MYT1: variants seen among roughly 807,000 people sequenced by gnomAD.
MYT1 encodes myelin transcription factor 1, also known as myelin transcription factor I.
Under a neutral mutation model 123.0 loss-of-function variants are expected in MYT1, and 23 were observed. That is an observed-to-expected ratio of 0.19 (90% confidence interval 0.13 to 0.26). The LOEUF (loss-of-function observed/expected upper bound fraction) is 0.26. MYT1 is among the 10% of genes least tolerant of loss of function. The pLI is 1.00. For missense variants in MYT1, 1,125 were observed against 1,472.5 expected (o/e 0.76, Z 3.86); for synonymous variants, 518 against 575.3 (o/e 0.90, Z 1.43).
intron 18 of MYT1, among the ~76,000 whole-genome samples, chr20:64,230,781 C>T (rs1462937930): frequency 1.3e-5 from 2 of 152,170 alleles, no homozygotes; most frequent in Non-Finnish European, 2.9e-5. Context: ...CAGGGAATGT[C>T]CTAAAAGTTT....
intron 16 of MYT1, among the ~76,000 whole-genome samples, chr20:64,224,857 A>G (rs964769757): frequency 6.6e-6 from 1 of 152,144 alleles, no homozygotes; most frequent in Non-Finnish European, 1.5e-5. Context: ...CCCAAATGTC[A>G]CCATGTCCTT....
rs1208573706 is a variant in MYT1, at chr20:64,231,127, G to GC, written c.2676-1035dup. 2.6e-5 allele frequency among the ~76,000 whole-genome samples: 4 copies of GC among 152,012 alleles called. No homozygotes were observed. The highest frequency in any genetic ancestry group is 5.9e-5 in the Non-Finnish European group (4 of 68,000). ...GCCCATGAATCTCCTCGTAAATGGA[G>GC]CCATGGTGACCTCTCGGGGTCTTGT... On this transcript the variant is annotated intron_variant, in intron 18 of 22. Transcript: ENST00000328439. The surrounding 1 kb of genome is among the most constrained non-coding windows in gnomAD (Gnocchi z 6.4).
intron 1 of MYT1, among the ~76,000 whole-genome samples, chr20:64,173,361 G>C (rs1284065148): frequency 6.6e-6 from 1 of 152,140 alleles, no homozygotes; most frequent in Non-Finnish European, 1.5e-5. Context: ...TCTTTTGTGG[G>C]CTTCTCCCCA....
At chr20:64,225,138 C>T (rs1984130824) in intron 16 of MYT1, among the ~76,000 whole-genome samples, 1 of 152,208 alleles carries the variant, frequency 6.6e-6, no homozygotes, top group Non-Finnish European at 1.5e-5. Context: ...CCATGGGAGG[C>T]CACTTCCTTT....
At position 64,202,332 on chromosome 20, in the gene MYT1, G is replaced by A. The variant is rs1338861763; in HGVS notation, c.86+2410G>A. Among the ~76,000 whole-genome samples, 3 of 152,162 alleles carry A rather than the reference G, an allele frequency of 2.0e-5. No homozygotes were observed. Among genetic ancestry groups the A allele is most frequent in the Admixed American group, 6.5e-5 (1 of 15,288 alleles). On this transcript the variant is annotated intron_variant, in intron 4 of 22. Coordinates refer to ENST00000328439, the MANE Select transcript of MYT1 (RefSeq NM_004535.3). This position sits in a 1 kb window ranked among gnomAD's most constrained non-coding sequence, Gnocchi z 5.0. Reference sequence around the variant, plus strand: ...TGATGGTTTTTCCTTTCACCCCATCGGGAGAACTGATGACGTTTCAGCTTG... The same window carrying A: ...TGATGGTTTTTCCTTTCACCCCATCAGGAGAACTGATGACGTTTCAGCTTG...
At position 64,232,063 on chromosome 20, in the gene MYT1, G is replaced by A. The variant is rs764564969; in HGVS notation, c.2676-101G>A. On this transcript the variant is annotated intron_variant, in intron 18 of 22. Transcript: ENST00000328439. This position sits in a 1 kb window ranked among gnomAD's most constrained non-coding sequence, Gnocchi z 6.9. ...CTGCCTCACTCAGAAGCCCTTTAAC[G>A]GCTCTGAGTTGGGCTCCCCTTGTGT... 62 of 1,214,826 alleles carry A rather than the reference G, an allele frequency of 5.1e-5. No individual in the cohort carries two copies. The highest frequency in any genetic ancestry group is 7.2e-5 in the Non-Finnish European group (61 of 851,180). The allele number at this position is 1,214,826 out of a possible 1,614,324, so 75.3% of individuals were successfully genotyped here. A position where few individuals can be genotyped will look rare whatever the true frequency, so the allele number is the denominator to read the frequency against.
At chr20:64,188,272 G>A (rs866673665) in intron 1 of MYT1, among the ~76,000 whole-genome samples, 40 of 152,170 alleles carry the variant, frequency 2.6e-4, no homozygotes, top group African/African-American at 7.2e-4. Flanking sequence ...CAGGGGAGTC[G>A]CACTCGGGAG....
intron 20 of MYT1, 117 bp from the exon 21 acceptor site, chr20:64,237,169 GA>G: frequency 1.4e-6 from 1 of 701,760 alleles, no homozygotes; most frequent in Non-Finnish European, 2.4e-6. Flanking sequence ...GGAAAACCAG[GA>G]GGGGAGACCT....
rs1043869339 is a variant in MYT1, at chr20:64,205,704, G to C, written c.301G>C (p.Asp101His). The change falls in exon 6 of 23, where the codon GAC (aspartate) becomes CAC (histidine). Residue 101 changes from aspartate to histidine, a missense_variant. This residue lies in a region of MYT1 where 406 missense variants were observed against 432.2 expected (regional missense o/e 0.94). Coordinates refer to ENST00000328439, the MANE Select transcript of MYT1 (RefSeq NM_004535.3). ...CGGCAGTGAGGACACTGAGGTGAAG[G>C]ACGCCTCTGTTTCGGATGAATCGGA... is the stretch of plus-strand genomic sequence containing the variant. ...SDGSEDTEVK[D>H]ASVSDESEGT... The C allele has an allele frequency of 2.5e-6, 4 of 1,614,100 alleles. No individual in the cohort carries two copies. Among genetic ancestry groups the C allele is most frequent in the Non-Finnish European group, 2.5e-6 (3 of 1,180,034 alleles).
intron 21 of MYT1, among the ~76,000 whole-genome samples, chr20:64,239,415 C>G (rs928224472): frequency 2.0e-5 from 3 of 152,116 alleles, no homozygotes; most frequent in African/African-American, 7.2e-5. Context: ...TGCTCCCACC[C>G]CATCCCCTCA....
Position 64,213,516 on chromosome 20 carries a change from T to A in MYT1, c.1518-18T>A. ...ATGGAGGGGAAGGCTCAGAAACCCCTCCTCTTCCTTCCTCTAGTTTGTCTG... is the reference window on the plus strand; with the variant it reads ...ATGGAGGGGAAGGCTCAGAAACCCCACCTCTTCCTTCCTCTAGTTTGTCTG... On this transcript the variant is annotated intron_variant, in intron 9 of 22. Transcript: ENST00000328439. The surrounding 1 kb of genome is among the most constrained non-coding windows in gnomAD (Gnocchi z 5.6). 1 of 1,607,588 alleles carries A rather than the reference T, an allele frequency of 6.2e-7. No individual in the cohort carries two copies. Among genetic ancestry groups the A allele is most frequent in the Non-Finnish European group, 8.5e-7 (1 of 1,174,506 alleles).
At position 64,186,880 on chromosome 20, in the gene MYT1, T is replaced by A. The variant is rs978313583; in HGVS notation, c.-98-3183T>A. 6.9e-6 allele frequency among the ~76,000 whole-genome samples: 1 copy of A among 144,408 alleles called. No homozygotes were observed. 94.7% of individuals were successfully genotyped at this position (144,408 alleles called of 152,430 possible). On this transcript the variant is annotated intron_variant, in intron 1 of 22. Transcript: ENST00000328439. This position sits in a 1 kb window ranked among gnomAD's most constrained non-coding sequence, Gnocchi z 4.3. The stretch of plus-strand genomic sequence containing the variant: ...CGTGGCTCCGGCATCCACGTTTCCG[T>A]GGAGACTTTTCCTGTAGCCCGTGGC...
rs568201515 is a variant in MYT1, at chr20:64,212,160, G to A, written c.1517+22G>A. ...GAAGGTACTTGGACTGAGCTGGGCC[G>A]TAGTGGGGGCCAGGGTGGGGGCCGT... is the stretch of plus-strand genomic sequence containing the variant. On this transcript the variant is annotated intron_variant, in intron 9 of 22. Coordinates refer to ENST00000328439, the MANE Select transcript of MYT1 (RefSeq NM_004535.3). The surrounding 1 kb of genome is among the most constrained non-coding windows in gnomAD (Gnocchi z 6.8). 46 of 1,513,624 alleles carry A rather than the reference G, an allele frequency of 3.0e-5. No individual in the cohort carries two copies. The African/African-American group carries it at 4.4e-4, about 15-fold the overall frequency. The allele number at this position is 1,513,624 out of a possible 1,614,324, so 93.8% of individuals were successfully genotyped here. A position where few individuals can be genotyped will look rare whatever the true frequency, so the allele number is the denominator to read the frequency against.
chr20:64,171,057 G>A (rs930090268), intron 1 of MYT1, among the ~76,000 whole-genome samples: 21 of 144,318 alleles, frequency 1.5e-4, no homozygotes, highest in South Asian at 4.5e-4. Context: ...CTGCAGATGC[G>A]TGCCACCAAG....
Position 64,208,099 on chromosome 20 carries a change from A to AGAGGAG in MYT1, c.914_919dup (p.Glu305_Glu306dup), listed in dbSNP as rs147483668. On this transcript the variant is annotated inframe_insertion, in exon 7 of 23. Coordinates refer to ENST00000328439, the MANE Select transcript of MYT1 (RefSeq NM_004535.3). This position sits in a 1 kb window ranked among gnomAD's most constrained non-coding sequence, Gnocchi z 5.4. The stretch of plus-strand genomic sequence containing the variant: ...AAGAGGAGGAGGAAGAGGAAGAGGA[A>AGAGGAG]GAGGAGGAGGAGGAGGCAGCTCCTG... 5.6e-6 allele frequency: 9 copies of AGAGGAG among 1,605,166 alleles called. No individual in the cohort carries two copies. Among genetic ancestry groups the AGAGGAG allele is most frequent in the Non-Finnish European group, 7.7e-6 (9 of 1,175,814 alleles).
rs1982990114 is a variant in MYT1 at position 64,192,230 on chromosome 20, T to C, written c.-1+2070T>C. ...CTGCTCTGTTTGAGGGTCATTTCCC[T>C]TCTTTTCTTGCAGATAGGGCCGAGT... On this transcript the variant is annotated intron_variant, in intron 2 of 22. Transcript: ENST00000328439. The surrounding 1 kb of genome is among the most constrained non-coding windows in gnomAD (Gnocchi z 5.3). Among the ~76,000 whole-genome samples the C allele has an allele frequency of 2.6e-5, 4 of 152,334 alleles. 1 individual carries two copies. The South Asian group carries it at 8.3e-4, about 32-fold the overall frequency.
chr20:64,230,420 G>A (rs1424728710), intron 18 of MYT1, among the ~76,000 whole-genome samples: 1 of 152,250 alleles, frequency 6.6e-6, no homozygotes, highest in African/African-American at 2.4e-5. Context: ...GGCTGAGGCA[G>A]GAGAATCGCT....
At chr20:64,173,389 G>C (rs1410255198) in intron 1 of MYT1, among the ~76,000 whole-genome samples, 1 of 152,166 alleles carries the variant, frequency 6.6e-6, no homozygotes, top group Non-Finnish European at 1.5e-5. Flanking sequence ...GCCTGGCCTA[G>C]TCAGTAGAGA....
chr20:64,172,667 T>C lies in MYT1; in HGVS notation c.-99+7928T>C, dbSNP rs185417110. ...CTCTTGATCCCGCGAAGCCGACGTGTCTTCTGGGGAGTTCCCAAAGATCCA... is the reference window on the plus strand; with the variant it reads ...CTCTTGATCCCGCGAAGCCGACGTGCCTTCTGGGGAGTTCCCAAAGATCCA... On this transcript the variant is annotated intron_variant, in intron 1 of 22. Coordinates refer to ENST00000328439, the MANE Select transcript of MYT1 (RefSeq NM_004535.3). 3.9e-5 allele frequency among the ~76,000 whole-genome samples: 6 copies of C among 152,002 alleles called. No homozygotes were observed. The East Asian group carries it at 1.2e-3, about 29-fold the overall frequency.
Sources: allele counts gnomAD v4.1 joint callset (sites outside exome capture counted in the v4.1 genomes callset), GRCh38; gene constraint gnomAD v4.1.1; regional missense constraint gnomAD v4.1.1; non-coding constraint Gnocchi (gnomAD v3.1); transcripts MANE v1.5; gene names NCBI Gene and HGNC (gene_info 2026-07-23, HGNC 2026-07-21).